Variants in LIN9 observed in about 807,000 individuals in gnomAD.
The protein encoded by LIN9 is lin-9 DREAM MuvB core complex component, also known as protein lin-9 homolog.
In LIN9, 18 loss-of-function variants were observed where a neutral mutation model predicts 78.0. The observed-to-expected ratio is 0.23, with a 90% CI of 0.16 to 0.34. The LOEUF (loss-of-function observed/expected upper bound fraction) is 0.34. Among genes scored for constraint, LIN9 ranks in the 10% least tolerant of loss-of-function variants. LIN9 has a pLI of 1.00. For missense variants in LIN9, 451 were observed against 644.1 expected, an observed-to-expected ratio of 0.70 and a Z score of 3.25; for synonymous variants, 192 against 215.2, an observed-to-expected ratio of 0.89 and a Z score of 0.94.
chr1:226,262,952 T>A (rs192972566), intron 10 of LIN9, among the ~76,000 whole-genome samples: 1 of 152,266 alleles, frequency 6.6e-6, no homozygotes, highest in Non-Finnish European at 1.5e-5. Flanking sequence ...TATTACTCAA[T>A]GCTAAAAAGA....
intron 4 of LIN9, among the ~76,000 whole-genome samples, chr1:226,294,349 G>A (rs1441823796): frequency 6.6e-6 from 1 of 151,972 alleles, no homozygotes; most frequent in Non-Finnish European, 1.5e-5. Context: ...GGGAGGCTGA[G>A]GTGGGCAGAT....
intron 10 of LIN9, among the ~76,000 whole-genome samples, chr1:226,262,254 T>C (rs1479717631): frequency 3.9e-5 from 6 of 152,200 alleles, no homozygotes; most frequent in South Asian, 2.1e-4. Context: ...AAGGGCATGA[T>C]CCATGTAAGA....
Position 226,254,201 on chromosome 1 carries a change from C to T in LIN9, c.1039-3282G>A, listed in dbSNP as rs374720598. Among the ~76,000 whole-genome samples, 6 of 152,334 alleles carry T rather than the reference C, an allele frequency of 3.9e-5. No individual in the cohort carries two copies. The South Asian group carries it at 1.2e-3, about 32-fold the overall frequency. On this transcript the variant is annotated intron_variant, in intron 10 of 14. Coordinates refer to ENST00000681046, the MANE Select transcript of LIN9 (RefSeq NM_001366245.2). ...CTATGTTGCCCAGGCTTGTCTTGAA[C>T]TCCTAGACTTCCAATCCTCCCAGCT...
At chr1:226,281,397 C>A (rs988722418) in intron 6 of LIN9, among the ~76,000 whole-genome samples, 1 of 148,564 alleles carries the variant, frequency 6.7e-6, no homozygotes, top group Non-Finnish European at 1.5e-5. Flanking sequence ...TTTGACAGTA[C>A]GGTAGGAAAA....
At chr1:226,239,125 T>C in intron 11 of LIN9, 29 bp from the exon 12 acceptor site, 1 of 1,606,980 alleles carries the variant, frequency 6.2e-7, no homozygotes. Context: ...CAGATCTTGG[T>C]AAGAGTTTGT....
At chr1:226,261,342 T>C (rs901913762) in intron 10 of LIN9, among the ~76,000 whole-genome samples, 1 of 151,402 alleles carries the variant, frequency 6.6e-6, no homozygotes, top group Non-Finnish European at 1.5e-5. Flanking sequence ...AAAAAACAAC[T>C]ATCTGTTTTA....
chr1:226,243,065 G>A (rs79484784), intron 11 of LIN9, among the ~76,000 whole-genome samples: 4,169 of 152,178 alleles, frequency 0.027, 165 homozygotes, highest in African/African-American at 0.093. Context: ...AGGTATATGC[G>A]GATTTTTGAC....
chr1:226,289,334 TTGTGTGTG>T (rs549091384), intron 4 of LIN9, among the ~76,000 whole-genome samples: 10 of 150,100 alleles, frequency 6.7e-5, no homozygotes, highest in African/African-American at 2.2e-4. Flanking sequence ...TAAACCAATT[TTGTGTGTG>T]TGTGTGTGTG....
At chr1:226,270,856 GTGTA>G (rs1433397863) in intron 7 of LIN9, among the ~76,000 whole-genome samples, 1 of 141,434 alleles carries the variant, frequency 7.1e-6, no homozygotes, top group African/African-American at 2.6e-5. Flanking sequence ...AAAAAGGTTT[GTGTA>G]TGTATGTACT....
At position 226,286,386 on chromosome 1, in the gene LIN9, C is replaced by T. The variant is rs143380168; in HGVS notation, c.471G>A (p.Lys157=). 137 of 1,612,644 alleles carry T rather than the reference C, an allele frequency of 8.5e-5. No homozygotes were observed. In the African/African-American group the frequency reaches 1.7e-3, roughly 20 times the overall value. ...KESFPNLKTR[K]LTRVEWGKIR... ...TTTTTCCCCATTCTACTCTTGTTAA[C>T]TTTCTTGTTTTCAAATTAGGAAAAG... The change falls in exon 6 of 15, where the codon AAG becomes AAA. Residue 157 remains lysine, a synonymous_variant. Transcript: ENST00000681046.
At chr1:226,248,445 T>G (rs1256481379) in intron 11 of LIN9, among the ~76,000 whole-genome samples, 1 of 152,238 alleles carries the variant, frequency 6.6e-6, no homozygotes, top group Non-Finnish European at 1.5e-5. Context: ...TGTGCAATTA[T>G]AAAGGATATG....
At position 226,265,695 on chromosome 1, in the gene LIN9, T is replaced by C; in HGVS notation, c.937-61A>G. 1 of 930,562 alleles carries C rather than the reference T, an allele frequency of 1.1e-6. No homozygotes were observed. The allele number at this position is 930,562 out of a possible 1,614,324, so 57.6% of individuals were successfully genotyped here. A position where few individuals can be genotyped will look rare whatever the true frequency, so the allele number is the denominator to read the frequency against. On this transcript the variant is annotated intron_variant, in intron 9 of 14. Coordinates refer to ENST00000681046, the MANE Select transcript of LIN9 (RefSeq NM_001366245.2). This position sits in a 1 kb window ranked among gnomAD's most constrained non-coding sequence, Gnocchi z 4.1. Reference sequence around the variant, plus strand: ...TATTCAGAGGAAGTATCTTATTTTTTTATTTTTATTTTTTTTTAGACGGAG... The same window carrying C: ...TATTCAGAGGAAGTATCTTATTTTTCTATTTTTATTTTTTTTTAGACGGAG...
At chr1:226,238,708 G>A (rs539961534) in intron 12 of LIN9, among the ~76,000 whole-genome samples, 2 of 152,150 alleles carry the variant, frequency 1.3e-5, no homozygotes, top group Non-Finnish European at 2.9e-5. Context: ...GTGGAATTAA[G>A]AGTAATTAGT....
rs149481211 is a variant in LIN9, at chr1:226,252,310, A to G, written c.1039-1391T>C. Among the ~76,000 whole-genome samples the G allele has an allele frequency of 4.5e-3, 674 of 150,578 alleles. 26 individuals carry two copies. The South Asian group carries it at 0.076, about 17-fold the overall frequency. On this transcript the variant is annotated intron_variant, in intron 10 of 14. Transcript: ENST00000681046. Reference sequence around the variant, plus strand: ...TAAATAAATAAATAAATAAATAAATAAATAAATAAATGAATGAATGAATGA... The same window carrying G: ...TAAATAAATAAATAAATAAATAAATGAATAAATAAATGAATGAATGAATGA...
intron 4 of LIN9, among the ~76,000 whole-genome samples, chr1:226,294,502 C>G (rs1188943083): frequency 1.3e-5 from 2 of 150,956 alleles, no homozygotes; most frequent in Admixed American, 6.6e-5. Flanking sequence ...AACCAAGGAG[C>G]TGGAGATTGC....
chr1:226,299,354 A>C (rs1662367488), intron 2 of LIN9, among the ~76,000 whole-genome samples: 1 of 152,104 alleles, frequency 6.6e-6, no homozygotes, highest in African/African-American at 2.4e-5. Context: ...AAATACAAAA[A>C]TTAGCCAGGT....
At chr1:226,269,620 G>A (rs1332737800) in intron 7 of LIN9, among the ~76,000 whole-genome samples, 2 of 152,108 alleles carry the variant, frequency 1.3e-5, no homozygotes, top group Middle Eastern at 3.2e-3. Flanking sequence ...GGTTGGTCAC[G>A]AAAACCAGCC....
chr1:226,282,012 C>A (rs142102972), intron 6 of LIN9, among the ~76,000 whole-genome samples: 27 of 152,240 alleles, frequency 1.8e-4, no homozygotes, highest in African/African-American at 6.3e-4. Context: ...TCTTACAGAT[C>A]CTTTGTTGAC....
At chr1:226,280,060 G>A (rs1455394741) in intron 6 of LIN9, among the ~76,000 whole-genome samples, 2 of 152,106 alleles carry the variant, frequency 1.3e-5, no homozygotes, top group Non-Finnish European at 2.9e-5. Flanking sequence ...TTCCTACTAT[G>A]TAAACTTTTA....
Sources: gnomAD v4.1 joint callset for allele counts (sites outside exome capture counted in the v4.1 genomes callset) on GRCh38, gnomAD v4.1.1 for gene constraint, Gnocchi (gnomAD v3.1) non-coding constraint, MANE v1.5 for transcripts, NCBI Gene and HGNC (gene_info 2026-07-23, HGNC 2026-07-21) for gene names.